Variants in IRF2 observed in about 807,000 individuals in gnomAD.
The protein encoded by IRF2 is interferon regulatory factor 2.
IRF2 carries 15 observed loss-of-function variants against 40.6 expected under a neutral mutation model. That is an observed-to-expected ratio of 0.37 (90% CI 0.25 to 0.57). The LOEUF is 0.57. Ranked by LOEUF, IRF2 falls within the 20% of genes least tolerant of loss-of-function variation. The probability of loss-of-function intolerance (pLI) is 0.77; values close to 1 mark genes in which losing one functional copy is unlikely to be tolerated. For synonymous variants in IRF2, 151 were observed against 165.5 expected (o/e 0.91, Z 0.67); for missense variants, 317 against 455.7 (o/e 0.70, Z 2.77).
intron 2 of IRF2, among the ~76,000 whole-genome samples, chr4:184,425,986 GTT>G (rs1737658207): frequency 3.0e-5 from 1 of 33,176 alleles, no homozygotes. Context: ...GTTTTTGTTT[GTT>G]TGTTTGTTTG....
At chr4:184,452,798 G>GAAAAAAAAA in intron 1 of IRF2, among the ~76,000 whole-genome samples, 2 of 123,006 alleles carry the variant, frequency 1.6e-5, no homozygotes, top group Middle Eastern at 4.1e-3. Context: ...AAAAAAAAGG[G>GAAAAAAAAA]AAAGAAAGAA....
chr4:184,436,569 T>G (rs1449955917), intron 1 of IRF2, among the ~76,000 whole-genome samples: 1 of 152,236 alleles, frequency 6.6e-6, no homozygotes, highest in Non-Finnish European at 1.5e-5. Context: ...TAAATCATTG[T>G]TAAATGGGCA....
In IRF2 at chr4:184,461,002, A is replaced by G. The variant is rs540383586; in HGVS notation, c.-7+13377T>C. Among the ~76,000 whole-genome samples the G allele has an allele frequency of 5.8e-4, 89 of 152,388 alleles. 1 individual carries two copies. In the South Asian group the frequency reaches 0.018, roughly 30 times the overall value. On this transcript the variant is annotated intron_variant, in intron 1 of 8. Coordinates refer to ENST00000393593, the MANE Select transcript of IRF2 (RefSeq NM_002199.4). ...CCTTTTTATTTTGAAATTATTTCCA[A>G]TCCACATAAAAATTTCAAAAATAGT...
At chr4:184,458,772 G>A (rs993813726) in intron 1 of IRF2, among the ~76,000 whole-genome samples, 6 of 152,202 alleles carry the variant, frequency 3.9e-5, no homozygotes, top group East Asian at 1.9e-4. Flanking sequence ...TCAGCAAAAC[G>A]AAAAATTTCC....
At chr4:184,390,320 C>T (rs968914511) in intron 8 of IRF2, among the ~76,000 whole-genome samples, 9 of 152,224 alleles carry the variant, frequency 5.9e-5, no homozygotes, top group Non-Finnish European at 5.9e-5. Context: ...GAGGCTTTTG[C>T]TTAGCATTTT....
At position 184,392,742 on chromosome 4, in the gene IRF2, GA is replaced by G. The variant is rs571630169; in HGVS notation, c.695-1994del. Among the ~76,000 whole-genome samples, 6 of 152,290 alleles carry G rather than the reference GA, an allele frequency of 3.9e-5. No individual in the cohort carries two copies. The South Asian group carries it at 1.2e-3, about 32-fold the overall frequency. ...GCCACAGGTGCATTCCTTAAACAAG[GA>G]AAGTAAGAATGTGGACTCCACTGGT... is the stretch of plus-strand genomic sequence containing the variant. On this transcript the variant is annotated intron_variant, in intron 7 of 8. Coordinates refer to ENST00000393593, the MANE Select transcript of IRF2 (RefSeq NM_002199.4).
intron 7 of IRF2, among the ~76,000 whole-genome samples, chr4:184,397,033 T>C (rs1231217017): frequency 2.6e-5 from 4 of 152,228 alleles, no homozygotes; most frequent in African/African-American, 9.6e-5. Context: ...AACATAGTAG[T>C]TCTTGTGACT....
intron 3 of IRF2, among the ~76,000 whole-genome samples, 184 bp downstream of exon 3, chr4:184,419,285 G>A (rs1247100176): frequency 6.6e-6 from 1 of 152,138 alleles, no homozygotes; most frequent in Non-Finnish European, 1.5e-5. Flanking sequence ...TGTATGGGAT[G>A]AGGGGAGCAT....
chr4:184,443,327 T>C (rs1188425408), intron 1 of IRF2, among the ~76,000 whole-genome samples: 1 of 152,196 alleles, frequency 6.6e-6, no homozygotes, highest in Non-Finnish European at 1.5e-5. Context: ...GTAGTGAACA[T>C]AGTACCCAAT....
rs906071059 is a variant in IRF2 at position 184,448,179 on chromosome 4, G to A, written c.-6-19109C>T. ...TTGGCCAGAAAGACAATACCAAGTAGGTAAGTAATTTCCAGTACAGAGGGA... is the reference window on the plus strand; with the variant it reads ...TTGGCCAGAAAGACAATACCAAGTAAGTAAGTAATTTCCAGTACAGAGGGA... On this transcript the variant is annotated intron_variant, in intron 1 of 8. Coordinates refer to ENST00000393593, the MANE Select transcript of IRF2 (RefSeq NM_002199.4). This position sits in a 1 kb window ranked among gnomAD's most constrained non-coding sequence, Gnocchi z 4.3. Among the ~76,000 whole-genome samples the A allele has an allele frequency of 5.3e-5, 8 of 152,208 alleles. No individual in the cohort carries two copies. Among genetic ancestry groups the A allele is most frequent in the African/African-American group, 1.9e-4 (8 of 41,440 alleles).
At chr4:184,391,320 G>A (rs1736253699) in intron 7 of IRF2, among the ~76,000 whole-genome samples, 1 of 152,208 alleles carries the variant, frequency 6.6e-6, no homozygotes, top group Non-Finnish European at 1.5e-5. Context: ...CTTGAGTGTG[G>A]ATGGAATGTG....
rs185620761 is a variant in IRF2 at position 184,411,484 on chromosome 4, A to G, written c.412-3209T>C. On this transcript the variant is annotated intron_variant, in intron 5 of 8. Coordinates refer to ENST00000393593, the MANE Select transcript of IRF2 (RefSeq NM_002199.4). ...TGTGTTACTCCCCTCACCCCACTTCAAAAGAAACCCTGTCATTTCAGAGCC... is the reference window on the plus strand; with the variant it reads ...TGTGTTACTCCCCTCACCCCACTTCGAAAGAAACCCTGTCATTTCAGAGCC... 2.4e-4 allele frequency among the ~76,000 whole-genome samples: 36 copies of G among 152,218 alleles called. No individual in the cohort carries two copies. In the East Asian group the frequency reaches 6.8e-3, roughly 29 times the overall value.
intron 1 of IRF2, among the ~76,000 whole-genome samples, chr4:184,469,573 A>G (rs1739447805): frequency 6.6e-6 from 1 of 152,104 alleles, no homozygotes; most frequent in African/African-American, 2.4e-5. Context: ...TACTCAGGAG[A>G]CTGAGGCAGG....
chr4:184,415,588 G>A (rs1443332260), intron 5 of IRF2, among the ~76,000 whole-genome samples: 1 of 152,188 alleles, frequency 6.6e-6, no homozygotes, highest in Non-Finnish European at 1.5e-5. Context: ...ACGTGTCATG[G>A]TTTCATTGCA....
chr4:184,402,909 A>G lies in IRF2; in HGVS notation c.530-3830T>C, dbSNP rs111731519. 4.3e-3 allele frequency among the ~76,000 whole-genome samples: 658 copies of G among 152,276 alleles called. 10 individuals are homozygous for G. Among genetic ancestry groups the G allele is most frequent in the African/African-American group, 0.015 (616 of 41,538 alleles). ...GGACCGTGTGCCTTAAAAGGGGTGA[A>G]TTTTACCGTATTTCACTTAATATAC... On this transcript the variant is annotated intron_variant, in intron 6 of 8. Coordinates refer to ENST00000393593, the MANE Select transcript of IRF2 (RefSeq NM_002199.4).
chr4:184,418,477 G>A (rs757881269), intron 4 of IRF2, 55 bp downstream of exon 4: 15 of 1,504,202 alleles, frequency 1.0e-5, no homozygotes, highest in African/African-American at 2.8e-5. Flanking sequence ...AAGAGATCAC[G>A]AAGGCACGAT....
intron 1 of IRF2, among the ~76,000 whole-genome samples, chr4:184,446,480 G>A (rs951525128): frequency 6.6e-6 from 1 of 152,150 alleles, no homozygotes; most frequent in South Asian, 2.1e-4. Context: ...ATTGTGGTGG[G>A]GCAACCGTGG....
intron 8 of IRF2, 34 bp from the exon 9 acceptor site, chr4:184,389,100 TCTC>T: frequency 6.2e-7 from 1 of 1,600,690 alleles, no homozygotes; most frequent in Non-Finnish European, 8.6e-7. Context: ...TGTATTTCCT[TCTC>T]CTTCTATTGG....
intron 1 of IRF2, 125 bp from the exon 2 acceptor site, chr4:184,429,195 G>A (rs562687251): frequency 1.5e-6 from 1 of 647,158 alleles, no homozygotes; most frequent in African/African-American, 1.8e-5. Context: ...CCAGGGGGCT[G>A]GGGGGTCGGT....
Sources: gnomAD v4.1 joint callset for allele counts (sites outside exome capture counted in the v4.1 genomes callset) on GRCh38, gnomAD v4.1.1 for gene constraint, Gnocchi (gnomAD v3.1) non-coding constraint, MANE v1.5 for transcripts, NCBI Gene and HGNC (gene_info 2026-07-23, HGNC 2026-07-21) for gene names.